Variants in ERC1 observed in about 807,000 individuals in gnomAD.
ERC1 encodes the protein ELKS/RAB6-interacting/CAST family member 1, also known as RAB6 interacting protein 2.
Under a neutral mutation model 132.0 loss-of-function variants are expected in ERC1, and 56 were observed. The ratio of observed to expected loss-of-function variants is 0.42; its 90% CI spans 0.34 to 0.53. ERC1 has a LOEUF of 0.53. ERC1 is among the 20% of genes least tolerant of loss of function. The pLI is 0.03. For missense variants in ERC1, 1,202 were observed against 1,349.9 expected (o/e 0.89, Z 1.72); for synonymous variants, 478 against 476.1 (o/e 1.00, Z -0.05).
intron 14 of ERC1, among the ~76,000 whole-genome samples, chr12:1,274,873 C>T (rs2078151318): frequency 6.6e-6 from 1 of 152,108 alleles, no homozygotes; most frequent in African/African-American, 2.4e-5. Context: ...TTAAGAATGG[C>T]AGGTAGTTTA....
chr12:1,235,137 C>T (rs2075327903), intron 12 of ERC1, among the ~76,000 whole-genome samples: 1 of 152,162 alleles, frequency 6.6e-6, no homozygotes, highest in South Asian at 2.1e-4. Flanking sequence ...GAGGCAGAGG[C>T]CAGTGGATTG....
At chr12:1,302,035 CAA>C (rs2080443989) in intron 15 of ERC1, among the ~76,000 whole-genome samples, 1 of 152,046 alleles carries the variant, frequency 6.6e-6, no homozygotes, top group Non-Finnish European at 1.5e-5. Context: ...CTAAACTTGA[CAA>C]AGACATTGCA....
chr12:1,370,122 T>C lies in ERC1; in HGVS notation c.2781-1711T>C, dbSNP rs186939465. On this transcript the variant is annotated intron_variant, in intron 15 of 18. Coordinates refer to ENST00000360905, the MANE Select transcript of ERC1 (RefSeq NM_178040.4). ...TCAGGTCAAAAGCTCAGGCCACTTA[T>C]ATAGTTCCTATAAATCAAATATGTC... Among the ~76,000 whole-genome samples the C allele has an allele frequency of 4.7e-4, 71 of 152,356 alleles. 1 individual carries two copies. The highest frequency in any genetic ancestry group is 9.6e-4 in the Non-Finnish European group (65 of 68,024).
At chr12:1,197,032 G>C (rs1321354879) in intron 12 of ERC1, among the ~76,000 whole-genome samples, 2 of 144,620 alleles carry the variant, frequency 1.4e-5, no homozygotes, top group African/African-American at 2.6e-5. Context: ...CCAGGCTGGA[G>C]TGCAATGGTA....
At chr12:1,012,348 T>C (rs1964820697) in intron 1 of ERC1, among the ~76,000 whole-genome samples, 1 of 152,200 alleles carries the variant, frequency 6.6e-6, no homozygotes, top group Non-Finnish European at 1.5e-5. Flanking sequence ...GAGAATGATG[T>C]AATTAATATC....
Position 1,352,771 on chromosome 12 carries a change from A to G in ERC1, c.2781-19062A>G, listed in dbSNP as rs116053816. Among the ~76,000 whole-genome samples the G allele has an allele frequency of 1.0e-2, 1,520 of 152,278 alleles. 13 individuals carry two copies. The highest frequency in any genetic ancestry group is 0.033 in the African/African-American group (1,361 of 41,558). The stretch of plus-strand genomic sequence containing the variant: ...AGAGATTGTTATCGGAGACTGTAGC[A>G]CTTGTTTTACTTTATTCTTTCTATT... On this transcript the variant is annotated intron_variant, in intron 15 of 18. Transcript: ENST00000360905.
intron 15 of ERC1, among the ~76,000 whole-genome samples, chr12:1,311,531 C>CTA (rs1225386615): frequency 2.6e-5 from 4 of 152,140 alleles, no homozygotes; most frequent in Non-Finnish European, 5.9e-5. Flanking sequence ...CACTTCTAAC[C>CTA]TAAATACATA....
In ERC1 at chr12:1,476,183, G is replaced by A. The variant is rs1221161382; in HGVS notation, c.3214-13910G>A. On this transcript the variant is annotated intron_variant, in intron 18 of 18. Coordinates refer to ENST00000360905, the MANE Select transcript of ERC1 (RefSeq NM_178040.4). ...AGGCAGGAGAATGGCATGAACCCGG[G>A]AGGCAGAGATTGCAATGAGCTGAGA... Among the ~76,000 whole-genome samples the A allele has an allele frequency of 5.3e-5, 8 of 151,836 alleles. 1 individual carries two copies. Among genetic ancestry groups the A allele is most frequent in the African/African-American group, 1.9e-4 (8 of 41,388 alleles).
chr12:1,093,891 TTATATATAAATATATATTTTTC>T lies in ERC1; in HGVS notation c.1086+10323_1086+10344del, dbSNP rs1477602856. On this transcript the variant is annotated intron_variant, in intron 3 of 18. Coordinates refer to ENST00000360905, the MANE Select transcript of ERC1 (RefSeq NM_178040.4). ...TATATATATGTTTATGTGTATTTAT[TTATATATAAATATATATTTTTC>T]TATATATAAATGTATATTTTTCTAT... Among the ~76,000 whole-genome samples the T allele has an allele frequency of 1.7e-3, 231 of 135,390 alleles. 1 individual carries two copies. Among genetic ancestry groups the T allele is most frequent in the African/African-American group, 5.6e-3 (208 of 37,100 alleles). 88.8% of individuals were successfully genotyped at this position (135,390 alleles called of 152,430 possible).
At chr12:1,167,500 A>G (rs982560962) in intron 8 of ERC1, among the ~76,000 whole-genome samples, 1 of 152,154 alleles carries the variant, frequency 6.6e-6, no homozygotes, top group African/African-American at 2.4e-5. Context: ...TTCCTGCTAC[A>G]CCAGTATGTA....
chr12:1,389,053 G>A (rs769442609), intron 16 of ERC1, among the ~76,000 whole-genome samples: 3 of 152,124 alleles, frequency 2.0e-5, no homozygotes, highest in East Asian at 1.9e-4. Flanking sequence ...GGTGGTTCCC[G>A]TGCTGTTTCT....
intron 14 of ERC1, among the ~76,000 whole-genome samples, chr12:1,285,324 C>A (rs570113725): frequency 1.3e-5 from 2 of 151,962 alleles, no homozygotes; most frequent in Admixed American, 6.6e-5. Flanking sequence ...TCAAGGCAGC[C>A]CAAGATAGTC....
intron 7 of ERC1, 95 bp downstream of exon 7, chr12:1,116,128 A>G: frequency 9.6e-7 from 1 of 1,044,366 alleles, no homozygotes; most frequent in South Asian, 1.7e-5. Flanking sequence ...GAATTGGGAA[A>G]TATGAGTAAT....
rs1954529888 is a variant in ERC1, at chr12:1,182,006, G to A, written c.1957G>A (p.Asp653Asn). ...KQEEIDNYKK[D>N]LKDLKEKVSL... is the part of the protein sequence containing the mutation. ...AGAGGAAATTGATAACTACAAAAAA[G>A]ATCTTAAAGACTTGAAGGAAAAAGT... The change falls in exon 10 of 19, where the codon GAT (aspartate) becomes AAT (asparagine). Residue 653 changes from aspartate to asparagine, a missense_variant. Coordinates refer to ENST00000360905, the MANE Select transcript of ERC1 (RefSeq NM_178040.4). 5 of 1,614,000 alleles carry A rather than the reference G, an allele frequency of 3.1e-6. No homozygotes were observed. Among genetic ancestry groups the A allele is most frequent in the Non-Finnish European group, 4.2e-6 (5 of 1,179,952 alleles).
chr12:1,486,720 C>T (rs7299383), intron 18 of ERC1, among the ~76,000 whole-genome samples: 6,431 of 152,124 alleles, frequency 0.042, 447 homozygotes, highest in African/African-American at 0.15. Context: ...CCACCGCACC[C>T]GGCTGTGAAA....
At chr12:1,364,759 G>C (rs552330582) in intron 15 of ERC1, among the ~76,000 whole-genome samples, 1 of 152,256 alleles carries the variant, frequency 6.6e-6, no homozygotes, top group South Asian at 2.1e-4. Flanking sequence ...CATCTCATTA[G>C]TTATATTAAA....
chr12:1,311,009 T>C (rs1474383114), intron 15 of ERC1, among the ~76,000 whole-genome samples: 1 of 152,212 alleles, frequency 6.6e-6, no homozygotes, highest in African/African-American at 2.4e-5. Context: ...CTGCCAATGA[T>C]ATAACTCACA....
At chr12:1,225,493 C>CACACACAT in intron 12 of ERC1, among the ~76,000 whole-genome samples, 1 of 150,008 alleles carries the variant, frequency 6.7e-6, no homozygotes, top group African/African-American at 2.4e-5. Flanking sequence ...CACACACACA[C>CACACACAT]GGAGTGGTTG....
chr12:1,220,216 AT>A (rs1958846143), intron 12 of ERC1, among the ~76,000 whole-genome samples: 1 of 151,856 alleles, frequency 6.6e-6, no homozygotes. Flanking sequence ...GCTTGTTTTA[AT>A]TTTTTTCTTA....
Sources: gnomAD v4.1 joint callset for allele counts (sites outside exome capture counted in the v4.1 genomes callset) on GRCh38, gnomAD v4.1.1 for gene constraint, MANE v1.5 for transcripts, NCBI Gene and HGNC (gene_info 2026-07-23, HGNC 2026-07-21) for gene names.